The following LNPEP variants were observed in gnomAD, a reference collection of about 807,000 sequenced individuals.
LNPEP encodes leucyl and cystinyl aminopeptidase.
In LNPEP, 64 loss-of-function variants were observed where a neutral mutation model predicts 120.6. That is an observed-to-expected ratio of 0.53 (90% confidence interval 0.43 to 0.65). LNPEP has a LOEUF of 0.65. LNPEP is among the 30% of genes least tolerant of loss of function. The pLI, the probability that LNPEP is intolerant of heterozygous loss-of-function variation, is 0.00. For missense variants in LNPEP, 1,057 were observed against 1,200.0 expected (o/e 0.88, Z 1.76); for synonymous variants, 435 against 425.4 (o/e 1.02, Z -0.28).
At chr5:97,005,412 C>T (rs1005323288) in intron 9 of LNPEP, among the ~76,000 whole-genome samples, 4 of 151,942 alleles carry the variant, frequency 2.6e-5, no homozygotes, top group South Asian at 2.1e-4. Flanking sequence ...AAAGCTCTGA[C>T]ACTAGGTTCT....
At chr5:96,969,184 T>G (rs976818515) in intron 1 of LNPEP, among the ~76,000 whole-genome samples, 2 of 151,998 alleles carry the variant, frequency 1.3e-5, no homozygotes, top group Non-Finnish European at 2.9e-5. Context: ...GTTTCCCTTT[T>G]TAAGAAAGAA....
rs1395946189 is a variant in LNPEP, at chr5:97,032,819, C to T, written c.*4286C>T. ...CCCCTTTGCGTTTCTCCTTATTGTT[C>T]GCATGGACAATAACTGACAGAGTAG... On this transcript the variant is annotated 3_prime_UTR_variant, in exon 18 of 18. Transcript: ENST00000231368. The T allele has an allele frequency of 4.6e-5, 7 of 152,124 alleles. No individual in the cohort carries two copies. Among genetic ancestry groups the T allele is most frequent in the African/African-American group, 1.2e-4 (5 of 41,414 alleles). The allele number at this position is 152,124 out of a possible 1,614,324, so 9.4% of individuals were successfully genotyped here.
intron 11 of LNPEP, chr5:97,010,946 G>A: frequency 1.0e-6 from 1 of 985,390 alleles, no homozygotes; most frequent in Non-Finnish European, 1.2e-6. Context: ...AACTCTGTCT[G>A]TCTTTGTGCT....
rs576602790 is a variant in LNPEP at position 96,966,080 on chromosome 5, C to A, written c.20-13058C>A. On this transcript the variant is annotated intron_variant, in intron 1 of 17. Transcript: ENST00000231368. The stretch of plus-strand genomic sequence containing the variant: ...ATTTAAAACAATGTGCAAAATTAAA[C>A]CAGAAGTGGCTCATCTTTTCTGCTT... 5.3e-5 allele frequency among the ~76,000 whole-genome samples: 8 copies of A among 152,206 alleles called. No individual in the cohort carries two copies. The South Asian group carries it at 1.7e-3, about 32-fold the overall frequency.
chr5:96,986,610 C>A lies in LNPEP; in HGVS notation c.1071C>A (p.Tyr357Ter), dbSNP rs1324354729. 3 of 1,613,452 alleles carry A rather than the reference C, an allele frequency of 1.9e-6. No homozygotes were observed. The highest frequency in any genetic ancestry group is 2.5e-6 in the Non-Finnish European group (3 of 1,179,614). ...EFSESVKMST[Y>*]LVAFIVGEMK... Reference sequence around the variant, plus strand: ...CTGAGAGTGTGAAGATGAGCACTTACTTGGTTGCTTTCATTGTGGGAGAGA... The same window carrying A: ...CTGAGAGTGTGAAGATGAGCACTTAATTGGTTGCTTTCATTGTGGGAGAGA... Residue 357 changes from tyrosine (Y) to a stop codon, truncating the protein, a stop_gained, in exon 4 of 18, where the codon TAC (tyrosine) becomes TAA (stop). Coordinates refer to ENST00000231368, the MANE Select transcript of LNPEP (RefSeq NM_005575.3). LOFTEE classifies it high-confidence loss of function.
chr5:96,956,855 A>T, intron 1 of LNPEP, among the ~76,000 whole-genome samples: 1 of 152,042 alleles, frequency 6.6e-6, no homozygotes, highest in African/African-American at 2.4e-5. Context: ...TGTTCCTCAA[A>T]TTGAATCATT....
chr5:96,957,668 T>C (rs1406143626), intron 1 of LNPEP, among the ~76,000 whole-genome samples: 2 of 152,138 alleles, frequency 1.3e-5, no homozygotes, highest in South Asian at 2.1e-4. Context: ...TTCTAGAAGC[T>C]GAAAAACAGA....
At chr5:96,991,059 C>T (rs1582009947) in intron 4 of LNPEP, among the ~76,000 whole-genome samples, 1 of 152,174 alleles carries the variant, frequency 6.6e-6, no homozygotes, top group African/African-American at 2.4e-5. Context: ...CCTCACTCCC[C>T]TCCCACCCTT....
At position 96,936,151 on chromosome 5, in the gene LNPEP, G is replaced by T; in HGVS notation, c.-5G>T. The T allele has an allele frequency of 6.7e-7, 1 of 1,502,534 alleles. No individual in the cohort carries two copies. The highest frequency in any genetic ancestry group is 8.9e-7 in the Non-Finnish European group (1 of 1,126,832). 93.1% of individuals were successfully genotyped at this position (1,502,534 alleles called of 1,614,324 possible). A position where few individuals can be genotyped will look rare whatever the true frequency, so the allele number is the denominator to read the frequency against. On this transcript the variant is annotated 5_prime_UTR_variant, in exon 1 of 18. Coordinates refer to ENST00000231368, the MANE Select transcript of LNPEP (RefSeq NM_005575.3). ...CCGGCTGTAAGGAGCCGCGGCGGGG[G>T]GAAAATGGAGCCCTTCACCAATGGT...
At chr5:96,972,907 A>G (rs927615064) in intron 1 of LNPEP, among the ~76,000 whole-genome samples, 2 of 152,132 alleles carry the variant, frequency 1.3e-5, no homozygotes, top group Non-Finnish European at 2.9e-5. Flanking sequence ...GCAGCAGAAG[A>G]AAGACCTTAC....
chr5:97,011,787 A>T (rs1356437865), intron 11 of LNPEP, among the ~76,000 whole-genome samples: 1 of 152,230 alleles, frequency 6.6e-6, no homozygotes, highest in East Asian at 1.9e-4. Flanking sequence ...AGAAATAAGT[A>T]CGGAATTTTT....
chr5:96,980,052 C>G, intron 2 of LNPEP, 74 bp downstream of exon 2: 1 of 1,368,352 alleles, frequency 7.3e-7, no homozygotes, highest in Non-Finnish European at 9.9e-7. Context: ...TTGTCCACAC[C>G]AGAGACACGA....
At chr5:96,974,646 T>C (rs1024124424) in intron 1 of LNPEP, among the ~76,000 whole-genome samples, 1 of 152,144 alleles carries the variant, frequency 6.6e-6, no homozygotes, top group Admixed American at 6.6e-5. Context: ...CTTCAAAGAA[T>C]AGTCTGCAGT....
At chr5:96,941,679 A>G (rs1789059363) in intron 1 of LNPEP, among the ~76,000 whole-genome samples, 1 of 152,158 alleles carries the variant, frequency 6.6e-6, no homozygotes, top group South Asian at 2.1e-4. Context: ...TGGACAGTAA[A>G]TGGAACATCA....
At chr5:96,997,214 A>G (rs1257097283) in intron 7 of LNPEP, among the ~76,000 whole-genome samples, 2 of 152,018 alleles carry the variant, frequency 1.3e-5, no homozygotes, top group Non-Finnish European at 2.9e-5. Flanking sequence ...CAACCCCCAA[A>G]TTTTTTGACT....
rs1327870168 is a variant in LNPEP at position 97,033,798 on chromosome 5, A to C, written c.*5265A>C. Reference sequence around the variant, plus strand: ...GTACATATTTTTATTTCTTTATTATAGTGTTTCATTGGGTACCCGGTCCTT... The same window carrying C: ...GTACATATTTTTATTTCTTTATTATCGTGTTTCATTGGGTACCCGGTCCTT... On this transcript the variant is annotated 3_prime_UTR_variant, in exon 18 of 18. Coordinates refer to ENST00000231368, the MANE Select transcript of LNPEP (RefSeq NM_005575.3). 6.6e-6 allele frequency: 1 copy of C among 151,956 alleles called. No individual in the cohort carries two copies. Among genetic ancestry groups the C allele is most frequent in the African/African-American group, 2.4e-5 (1 of 41,356 alleles). 9.4% of individuals were successfully genotyped at this position (151,956 alleles called of 1,614,324 possible).
chr5:96,989,525 G>A (rs1014787564), intron 4 of LNPEP, among the ~76,000 whole-genome samples: 13 of 149,596 alleles, frequency 8.7e-5, no homozygotes, highest in Non-Finnish European at 1.6e-4. Context: ...GCTGATCAGG[G>A]ATCTTTCTAG....
At chr5:97,020,915 TCACCCCC>T (rs1791178798) in intron 13 of LNPEP, among the ~76,000 whole-genome samples, 2 of 152,148 alleles carry the variant, frequency 1.3e-5, no homozygotes, top group Admixed American at 6.6e-5. Context: ...TCATGTGCCC[TCACCCCC>T]CACCCGCCAT....
At chr5:96,966,508 T>TTGTGTGTGTGTG (rs375861296) in intron 1 of LNPEP, among the ~76,000 whole-genome samples, 1 of 133,368 alleles carries the variant, frequency 7.5e-6, no homozygotes, top group Non-Finnish European at 1.6e-5. Flanking sequence ...TTACATATAT[T>TTGTGTGTGTGTG]TGTGTGTGTG....
Sources: gnomAD v4.1 joint callset for allele counts (sites outside exome capture counted in the v4.1 genomes callset) on GRCh38, gnomAD v4.1.1 for gene constraint, MANE v1.5 for transcripts, NCBI Gene and HGNC (gene_info 2026-07-23, HGNC 2026-07-21) for gene names.